RBKS: variants seen among roughly 807,000 people sequenced by gnomAD.
The protein encoded by RBKS is ribokinase.
A neutral mutation model predicts 33.9 loss-of-function variants in RBKS; 33 were observed. That is an observed-to-expected ratio of 0.97 (90% confidence interval 0.74 to 1.30). The LOEUF is 1.30. Among genes scored for constraint, RBKS ranks in the 50% most tolerant of loss-of-function variants. The pLI is 0.00. For missense variants in RBKS, 361 were observed against 392.6 expected, an observed-to-expected ratio of 0.92 and a Z score of 0.68; for synonymous variants, 125 against 143.0, an observed-to-expected ratio of 0.87 and a Z score of 0.90.
intron 4 of RBKS, among the ~76,000 whole-genome samples, chr2:27,844,998 G>A (rs1663595167): frequency 6.6e-6 from 1 of 152,202 alleles, no homozygotes; most frequent in South Asian, 2.1e-4. Flanking sequence ...AGATGTGTTT[G>A]TTGGCCACGA....
At chr2:27,793,749 C>A (rs1677582658) in intron 7 of RBKS, among the ~76,000 whole-genome samples, 1 of 152,090 alleles carries the variant, frequency 6.6e-6, no homozygotes, top group Admixed American at 6.5e-5. Flanking sequence ...TGTAAAACTT[C>A]TTGAATTTGA....
chr2:27,841,729 A>AACACACAC (rs35205983), intron 5 of RBKS, among the ~76,000 whole-genome samples: 2,918 of 142,238 alleles, frequency 0.021, 62 homozygotes, highest in African/African-American at 0.041. Context: ...CACTTATATA[A>AACACACAC]ACACACACAC....
At chr2:27,840,394 A>ACC (rs1558547036) in intron 5 of RBKS, among the ~76,000 whole-genome samples, 122 of 139,514 alleles carry the variant, frequency 8.7e-4, no homozygotes, top group African/African-American at 3.1e-3. Context: ...ACACACACAC[A>ACC]CCCTCCTCAT....
At chr2:27,793,814 A>C (rs1677584221) in intron 7 of RBKS, among the ~76,000 whole-genome samples, 1 of 152,142 alleles carries the variant, frequency 6.6e-6, no homozygotes, top group Non-Finnish European at 1.5e-5. Flanking sequence ...ATCCTGAAGT[A>C]TTAAGAGGTA....
rs116596100 is a variant in RBKS, at chr2:27,799,776, G to C, written c.796-17988C>G. Among the ~76,000 whole-genome samples, 955 of 152,330 alleles carry C rather than the reference G, an allele frequency of 6.3e-3. 11 individuals carry two copies. The highest frequency in any genetic ancestry group is 8.0e-3 in the Non-Finnish European group (541 of 68,036). Reference sequence around the variant, plus strand: ...GGTCAGAATTTCTTCAAGGGAGAGTGTTTCAAGGAGGGCTGCGCCAGCTGC... The same window carrying C: ...GGTCAGAATTTCTTCAAGGGAGAGTCTTTCAAGGAGGGCTGCGCCAGCTGC... On this transcript the variant is annotated intron_variant, in intron 7 of 7. Transcript: ENST00000302188.
chr2:27,825,205 TTTC>T (rs1327880441), intron 7 of RBKS, among the ~76,000 whole-genome samples: 1 of 152,206 alleles, frequency 6.6e-6, no homozygotes, highest in Non-Finnish European at 1.5e-5. Context: ...AGCATTTAGT[TTTC>T]TTATGTCCCC....
At chr2:27,872,595 C>A (rs1258183444) in intron 1 of RBKS, among the ~76,000 whole-genome samples, 1 of 151,984 alleles carries the variant, frequency 6.6e-6, no homozygotes, top group African/African-American at 2.4e-5. Flanking sequence ...ATCAGCACCA[C>A]AGGAAAGGGA....
chr2:27,814,993 G>A (rs1350795417), intron 7 of RBKS, among the ~76,000 whole-genome samples: 1 of 152,162 alleles, frequency 6.6e-6, no homozygotes, highest in African/African-American at 2.4e-5. Flanking sequence ...CACAGTACAT[G>A]CCATCAACAT....
chr2:27,781,423 T>A lies in RBKS; in HGVS notation c.*192A>T. 1.8e-6 allele frequency: 1 copy of A among 541,424 alleles called. No individual in the cohort carries two copies. Among genetic ancestry groups the A allele is most frequent in the South Asian group, 2.6e-5 (1 of 38,018 alleles). 33.5% of individuals were successfully genotyped at this position (541,424 alleles called of 1,614,324 possible). A position where few individuals can be genotyped will look rare whatever the true frequency, so the allele number is the denominator to read the frequency against. On this transcript the variant is annotated 3_prime_UTR_variant, in exon 8 of 8. Coordinates refer to ENST00000302188, the MANE Select transcript of RBKS (RefSeq NM_022128.3). ...TGGTTGTGGAATCTTTAATTCTGGT[T>A]GTTTTGTGCAAATGCATGGAAAGCA...
chr2:27,861,665 G>GGGT lies in RBKS; in HGVS notation c.90-3095_90-3094insACC. 9.4e-6 allele frequency: 4 copies of GGGT among 426,294 alleles called. 1 individual carries two copies. The highest frequency in any genetic ancestry group is 1.5e-5 in the Non-Finnish European group (3 of 205,408). The allele number at this position is 426,294 out of a possible 1,614,324, so 26.4% of individuals were successfully genotyped here. ...GATTAGTATGTTCCATTTCTTTTTG[G>GGGT]GGGGGGGGTGGAGTCTCACTTTGTC... On this transcript the variant is annotated intron_variant, in intron 1 of 7. Transcript: ENST00000302188.
intron 7 of RBKS, among the ~76,000 whole-genome samples, chr2:27,821,704 G>C (rs187329101): frequency 6.6e-6 from 1 of 152,302 alleles, no homozygotes; most frequent in East Asian, 1.9e-4. Flanking sequence ...TTCTAACAGA[G>C]GATTTCCAAA....
intron 7 of RBKS, among the ~76,000 whole-genome samples, chr2:27,808,759 T>G (rs1342552615): frequency 6.6e-6 from 1 of 152,216 alleles, no homozygotes; most frequent in African/African-American, 2.4e-5. Context: ...ATAACATTTG[T>G]AAAAAATGTA....
chr2:27,831,720 G>A (rs928564036), intron 6 of RBKS, among the ~76,000 whole-genome samples: 2 of 152,108 alleles, frequency 1.3e-5, no homozygotes, highest in Non-Finnish European at 2.9e-5. Context: ...TTTAGCCCAG[G>A]AGTTCGAGAT....
chr2:27,825,989 G>C (rs1426758160), intron 7 of RBKS, among the ~76,000 whole-genome samples: 1 of 152,184 alleles, frequency 6.6e-6, no homozygotes, highest in Non-Finnish European at 1.5e-5. Context: ...ATGGCGGATT[G>C]ATTTCAGAAC....
intron 1 of RBKS, among the ~76,000 whole-genome samples, chr2:27,888,130 TTTC>T (rs1264329201): frequency 6.6e-6 from 1 of 151,688 alleles, no homozygotes; most frequent in African/African-American, 2.4e-5. Flanking sequence ...TTTCTTTTCT[TTTC>T]TTTTTTTTTT....
At chr2:27,783,016 T>C (rs889798491) in intron 7 of RBKS, among the ~76,000 whole-genome samples, 2 of 152,254 alleles carry the variant, frequency 1.3e-5, no homozygotes, top group African/African-American at 4.8e-5. Context: ...TTCTTTGGGC[T>C]ATAATTCAAT....
At chr2:27,807,736 C>G (rs534313718) in intron 7 of RBKS, among the ~76,000 whole-genome samples, 20 of 152,122 alleles carry the variant, frequency 1.3e-4, no homozygotes, top group Non-Finnish European at 2.5e-4. Context: ...CTCTTCATAC[C>G]CTGAGTTTTT....
chr2:27,887,996 A>G (rs768993781), intron 1 of RBKS, among the ~76,000 whole-genome samples: 6 of 152,152 alleles, frequency 3.9e-5, no homozygotes, highest in Non-Finnish European at 7.4e-5. Flanking sequence ...CACCCCACAA[A>G]GTACTATAGT....
chr2:27,878,383 G>A (rs2148230402), intron 1 of RBKS, among the ~76,000 whole-genome samples: 1 of 150,654 alleles, frequency 6.6e-6, no homozygotes, highest in South Asian at 2.1e-4. Context: ...TGGCTGCATA[G>A]TATTCCATGG....
Sources: allele counts gnomAD v4.1 joint callset (sites outside exome capture counted in the v4.1 genomes callset), GRCh38; gene constraint gnomAD v4.1.1; transcripts MANE v1.5; gene names NCBI Gene and HGNC (gene_info 2026-07-23, HGNC 2026-07-21).